CENPK: variants seen among roughly 807,000 people sequenced by gnomAD.
CENPK encodes the protein centromere protein K.
In CENPK, 46 loss-of-function variants were observed where a neutral mutation model predicts 40.9. The ratio of observed to expected loss-of-function variants is 1.13; its 90% CI spans 0.89 to 1.44. The LOEUF (loss-of-function observed/expected upper bound fraction) is 1.44, where lower values mean the gene tolerates loss of function less well. Among genes scored for constraint, CENPK ranks in the 40% most tolerant of loss-of-function variants. CENPK has a pLI of 0.00. For synonymous variants in CENPK, 107 were observed against 104.4 expected, an observed-to-expected ratio of 1.02 and a Z score of -0.15; for missense variants, 288 against 303.5, an observed-to-expected ratio of 0.95 and a Z score of 0.38.
intron 2 of CENPK, 91 bp downstream of exon 2, chr5:65,561,372 G>A: frequency 3.1e-6 from 1 of 325,996 alleles, no homozygotes; most frequent in Non-Finnish European, 6.6e-6. Context: ...CGGAGGGTGA[G>A]GGATAAATAT....
downstream of CENPK, among the ~76,000 whole-genome samples, chr5:65,514,030 G>C (rs913984210): frequency 6.6e-6 from 1 of 152,010 alleles, no homozygotes; most frequent in African/African-American, 2.4e-5. Context: ...CTGATTTGTT[G>C]AACCAGCCTT....
At chr5:65,531,386 C>T (rs1033460897) in intron 6 of CENPK, among the ~76,000 whole-genome samples, 4 of 146,760 alleles carry the variant, frequency 2.7e-5, no homozygotes, top group Non-Finnish European at 6.0e-5. Flanking sequence ...GAAATAAAAA[C>T]ATTAACATCA....
chr5:65,537,599 C>T lies in CENPK; in HGVS notation c.288+5203G>A, dbSNP rs555521553. On this transcript the variant is annotated intron_variant, in intron 6 of 10. Transcript: ENST00000396679. Reference sequence around the variant, plus strand: ...ACAGGTGTGAGCCACCACGCCCGGCCGGTGAATAAACTTTTTAAAAATAAA... The same window carrying T: ...ACAGGTGTGAGCCACCACGCCCGGCTGGTGAATAAACTTTTTAAAAATAAA... Among the ~76,000 whole-genome samples the T allele has an allele frequency of 7.2e-5, 11 of 152,242 alleles. No individual in the cohort carries two copies. The South Asian group carries it at 1.7e-3, about 23-fold the overall frequency.
chr5:65,501,863 A>G, the CENPK span, among the ~76,000 whole-genome samples: 206 of 152,316 alleles, frequency 1.4e-3, 1 homozygote, highest in Non-Finnish European at 1.6e-3. Flanking sequence ...CACTGATTCT[A>G]TAGTCAAGAG....
At chr5:65,496,626 T>C in the CENPK span, among the ~76,000 whole-genome samples, 2 of 152,148 alleles carry the variant, frequency 1.3e-5, no homozygotes, top group Middle Eastern at 3.2e-3. Context: ...GCACATGTCA[T>C]ACAGTTAGGA....
rs115415894 is a variant in CENPK, at chr5:65,547,472, T to G, written c.241+4092A>C. ...ACTAAAAAGGCAATAAGACATACGG[T>G]TGAAGACAAATTAAAATCACAATTG... is the stretch of plus-strand genomic sequence containing the variant. On this transcript the variant is annotated intron_variant, in intron 5 of 10. Transcript: ENST00000396679. Among the ~76,000 whole-genome samples, 918 of 152,044 alleles carry G rather than the reference T, an allele frequency of 6.0e-3. 9 individuals are homozygous for G. Among genetic ancestry groups the G allele is most frequent in the African/African-American group, 0.021 (880 of 41,462 alleles).
intron 6 of CENPK, among the ~76,000 whole-genome samples, chr5:65,538,184 G>A (rs1239755488): frequency 3.3e-5 from 5 of 151,918 alleles, no homozygotes; most frequent in South Asian, 2.1e-4. Flanking sequence ...TCCTGTGGAT[G>A]GTATTATTTC....
At chr5:65,555,116 C>T (rs1413911610) in intron 2 of CENPK, 170 bp from the exon 3 acceptor site, 4 of 389,586 alleles carry the variant, frequency 1.0e-5, no homozygotes, top group South Asian at 3.5e-5. Flanking sequence ...AAAAATAAAA[C>T]ATATATATAC....
chr5:65,502,929 C>A, the CENPK span, among the ~76,000 whole-genome samples: 1 of 151,962 alleles, frequency 6.6e-6, no homozygotes, highest in Non-Finnish European at 1.5e-5. Flanking sequence ...ATTCAGCCTC[C>A]CGAGTAGCTG....
intron 2 of CENPK, chr5:65,555,360 T>G (rs192601748): frequency 6.4e-6 from 1 of 155,946 alleles, no homozygotes; most frequent in African/African-American, 2.4e-5. Context: ...TGCAGGAATA[T>G]GACTGCCATG....
At chr5:65,524,421 C>G (rs773393357) in intron 9 of CENPK, among the ~76,000 whole-genome samples, 1 of 149,280 alleles carries the variant, frequency 6.7e-6, no homozygotes, top group African/African-American at 2.5e-5. Context: ...GAGGCTGAGT[C>G]GGGCGGATCA....
chr5:65,561,433 T>C (rs1751941706), intron 2 of CENPK, 30 bp downstream of exon 2: 2 of 437,880 alleles, frequency 4.6e-6, no homozygotes, highest in East Asian at 1.4e-4. Context: ...AATAAAAACA[T>C]ATAGAAACAT....
chr5:65,512,607 A>G, the CENPK span, among the ~76,000 whole-genome samples: 1 of 152,246 alleles, frequency 6.6e-6, no homozygotes, highest in African/African-American at 2.4e-5. Context: ...ATTTTTAGAA[A>G]TAATGCTATG....
At position 65,561,472 on chromosome 5, in the gene CENPK, A is replaced by G; in HGVS notation, c.-49T>C. 2 of 455,632 alleles carry G rather than the reference A, an allele frequency of 4.4e-6. No individual in the cohort carries two copies. The highest frequency in any genetic ancestry group is 8.8e-6 in the Non-Finnish European group (2 of 226,612). The allele number at this position is 455,632 out of a possible 1,614,324, so 28.2% of individuals were successfully genotyped here. On this transcript the variant is annotated 5_prime_UTR_variant, in exon 2 of 11. Transcript: ENST00000396679. ...AGAGTTTGCTCTCTACCGCTTGAGG[A>G]TGCAAGATGTAAGCTGTATGTAACC...
chr5:65,554,392 C>A (rs195094), intron 3 of CENPK, among the ~76,000 whole-genome samples: 4 of 151,910 alleles, frequency 2.6e-5, no homozygotes, highest in African/African-American at 9.7e-5. Context: ...CCTCATGATC[C>A]CCCAGCCTCG....
intron 5 of CENPK, among the ~76,000 whole-genome samples, chr5:65,546,296 A>T (rs1381933981): frequency 1.3e-5 from 2 of 152,022 alleles, no homozygotes; most frequent in African/African-American, 4.8e-5. Flanking sequence ...GTGAGCCACC[A>T]CACCCGGCTG....
intron 9 of CENPK, among the ~76,000 whole-genome samples, chr5:65,526,120 C>T (rs755956946): frequency 2.0e-5 from 3 of 151,974 alleles, no homozygotes; most frequent in African/African-American, 7.3e-5. Flanking sequence ...CTTAATGACC[C>T]GATAATGGCT....
At chr5:65,535,555 A>G (rs542906902) in intron 6 of CENPK, among the ~76,000 whole-genome samples, 60 of 152,310 alleles carry the variant, frequency 3.9e-4, no homozygotes, top group Admixed American at 3.5e-3. Flanking sequence ...ACTGACTCCC[A>G]ATAAAAACCC....
intron 9 of CENPK, among the ~76,000 whole-genome samples, chr5:65,527,010 T>C (rs1024892916): frequency 2.6e-5 from 4 of 152,042 alleles, no homozygotes; most frequent in Non-Finnish European, 5.9e-5. Flanking sequence ...GGAGAATCTA[T>C]CACTTGAACC....
Sources: gnomAD v4.1 joint callset for allele counts (sites outside exome capture counted in the v4.1 genomes callset) on GRCh38, gnomAD v4.1.1 for gene constraint, MANE v1.5 for transcripts, NCBI Gene and HGNC (gene_info 2026-07-23, HGNC 2026-07-21) for gene names.